Variants in CATSPER3 observed in about 807,000 individuals in gnomAD.
CATSPER3 encodes the protein cation channel sperm associated 3.
CATSPER3 carries 23 observed loss-of-function variants against 36.6 expected under a neutral mutation model. The observed-to-expected ratio is 0.63, with a 90% CI of 0.45 to 0.89. CATSPER3 has a LOEUF of 0.89. Among genes scored for constraint, CATSPER3 ranks in the 40% least tolerant of loss-of-function variants. CATSPER3 has a pLI of 0.00. For missense variants in CATSPER3, 474 were observed against 503.9 expected (o/e 0.94, Z 0.57); for synonymous variants, 172 against 184.1 (o/e 0.93, Z 0.53).
chr5:134,992,635 G>A (rs886909854), intron 2 of CATSPER3, among the ~76,000 whole-genome samples: 3 of 152,134 alleles, frequency 2.0e-5, no homozygotes, highest in Non-Finnish European at 4.4e-5. Context: ...TGAGGCAGGA[G>A]AATCACTTGA....
At chr5:135,009,193 G>A (rs1333512744) in intron 5 of CATSPER3, among the ~76,000 whole-genome samples, 178 bp from the exon 6 acceptor site, 1 of 152,236 alleles carries the variant, frequency 6.6e-6, no homozygotes, top group East Asian at 1.9e-4. Context: ...CAACAGGACG[G>A]TGGGGCTTAA....
intron 2 of CATSPER3, among the ~76,000 whole-genome samples, chr5:134,976,245 A>G (rs1030283552): frequency 6.6e-6 from 1 of 152,058 alleles, no homozygotes; most frequent in Non-Finnish European, 1.5e-5. Flanking sequence ...GCTTGGGAGG[A>G]TTGCTTGAGC....
chr5:134,982,708 G>C (rs1168194860), intron 2 of CATSPER3, among the ~76,000 whole-genome samples: 1 of 152,144 alleles, frequency 6.6e-6, no homozygotes, highest in African/African-American at 2.4e-5. Flanking sequence ...TTGTTTTGTA[G>C]GTGGAAATGA....
intron 2 of CATSPER3, among the ~76,000 whole-genome samples, chr5:134,982,677 C>T (rs559709350): frequency 6.6e-6 from 1 of 152,138 alleles, no homozygotes; most frequent in East Asian, 1.9e-4. Context: ...AGTAAACCTG[C>T]CCTCAAAAAA....
intron 2 of CATSPER3, among the ~76,000 whole-genome samples, chr5:134,978,087 C>T (rs755587334): frequency 2.0e-5 from 3 of 152,138 alleles, no homozygotes; most frequent in Admixed American, 6.5e-5. Context: ...CACATTTCAA[C>T]ATGAGATTGG....
intron 2 of CATSPER3, among the ~76,000 whole-genome samples, chr5:134,979,844 T>C (rs1309992934): frequency 6.6e-6 from 1 of 152,198 alleles, no homozygotes; most frequent in Non-Finnish European, 1.5e-5. Flanking sequence ...TGTAGAGTTG[T>C]AAATGGCTTT....
Position 134,968,162 on chromosome 5 carries a change from C to T in CATSPER3, c.98+73C>T, listed in dbSNP as rs946705620. 16 of 1,019,380 alleles carry T rather than the reference C, an allele frequency of 1.6e-5. No homozygotes were observed. The East Asian group carries it at 2.3e-4, about 14-fold the overall frequency. 63.1% of individuals were successfully genotyped at this position (1,019,380 alleles called of 1,614,324 possible). A position where few individuals can be genotyped will look rare whatever the true frequency, so the allele number is the denominator to read the frequency against. On this transcript the variant is annotated intron_variant, in intron 1 of 7. Coordinates refer to ENST00000282611, the MANE Select transcript of CATSPER3 (RefSeq NM_178019.3). The stretch of plus-strand genomic sequence containing the variant: ...AGTGTGAGGGCAGGGTGTCAGTGTT[C>T]TCTCAGCCTCTTCCCTCAGATACTC...
chr5:134,978,359 A>G (rs747012516), intron 2 of CATSPER3, among the ~76,000 whole-genome samples: 1 of 152,186 alleles, frequency 6.6e-6, no homozygotes, highest in Non-Finnish European at 1.5e-5. Flanking sequence ...TATGCTGATT[A>G]CCCTGATTTG....
intron 2 of CATSPER3, 50 bp downstream of exon 2, chr5:134,970,142 A>G (rs771865302): frequency 1.3e-6 from 2 of 1,544,338 alleles, no homozygotes; most frequent in Admixed American, 3.4e-5. Flanking sequence ...AACATGCTTT[A>G]TTTCTGGAAA....
chr5:135,010,284 T>C, intron 6 of CATSPER3, 89 bp from the exon 7 acceptor site: 1 of 1,184,398 alleles, frequency 8.4e-7, no homozygotes, highest in South Asian at 1.2e-5. Flanking sequence ...GGCCGCTGCC[T>C]GGGGCCCATC....
intron 2 of CATSPER3, among the ~76,000 whole-genome samples, chr5:134,994,684 A>G (rs1751921899): frequency 6.6e-6 from 1 of 152,158 alleles, no homozygotes; most frequent in Admixed American, 6.5e-5. Context: ...TTAAAATTCA[A>G]AGTCCTCACC....
At chr5:135,004,911 G>T (rs922753874) in intron 3 of CATSPER3, among the ~76,000 whole-genome samples, 3 of 152,268 alleles carry the variant, frequency 2.0e-5, no homozygotes, top group Admixed American at 1.3e-4. Context: ...GAGGGGAACT[G>T]GGTTGTGATG....
At chr5:135,010,266 C>G in intron 6 of CATSPER3, 107 bp from the exon 7 acceptor site, 1 of 972,108 alleles carries the variant, frequency 1.0e-6, no homozygotes, top group South Asian at 1.3e-5. Context: ...CTTCCAGGAC[C>G]AGGGTCAGGC....
intron 2 of CATSPER3, among the ~76,000 whole-genome samples, chr5:134,971,203 C>A (rs971241873): frequency 1.3e-5 from 2 of 152,120 alleles, no homozygotes; most frequent in African/African-American, 4.8e-5. Flanking sequence ...CCCTCCTCGG[C>A]CTCCCAGAGT....
Position 135,008,286 on chromosome 5 carries a change from C to T in CATSPER3, c.675+147C>T, listed in dbSNP as rs9327698. ...GGCCTAGGGAAGCTGGGGTCTGTTCCCCATCACAAGCCAGCACCCTGCACG... is the reference window on the plus strand; with the variant it reads ...GGCCTAGGGAAGCTGGGGTCTGTTCTCCATCACAAGCCAGCACCCTGCACG... On this transcript the variant is annotated intron_variant, in intron 4 of 7. Coordinates refer to ENST00000282611, the MANE Select transcript of CATSPER3 (RefSeq NM_178019.3). The T allele has an allele frequency of 0.019, 12,811 of 685,928 alleles. 1,008 individuals carry two copies. The African/African-American group carries it at 0.19, about 10-fold the overall frequency. 42.5% of individuals were successfully genotyped at this position (685,928 alleles called of 1,614,324 possible).
chr5:135,003,019 GA>G (rs1165471204), intron 3 of CATSPER3, among the ~76,000 whole-genome samples: 2 of 152,226 alleles, frequency 1.3e-5, no homozygotes, highest in Non-Finnish European at 2.9e-5. Context: ...TTTGGAGGGG[GA>G]CAGGTGCTCT....
chr5:134,971,811 G>C (rs1050026534), intron 2 of CATSPER3, among the ~76,000 whole-genome samples: 1 of 152,160 alleles, frequency 6.6e-6, no homozygotes, highest in Non-Finnish European at 1.5e-5. Context: ...GAGACATAGA[G>C]ATGAAGGAAG....
At chr5:134,975,716 A>G (rs1046557607) in intron 2 of CATSPER3, among the ~76,000 whole-genome samples, 1 of 152,268 alleles carries the variant, frequency 6.6e-6, no homozygotes, top group Non-Finnish European at 1.5e-5. Flanking sequence ...GGACAACATT[A>G]TGGAGGTTCC....
intron 2 of CATSPER3, among the ~76,000 whole-genome samples, chr5:134,975,581 C>T (rs1458590828): frequency 6.6e-6 from 1 of 152,150 alleles, no homozygotes; most frequent in African/African-American, 2.4e-5. Flanking sequence ...CCACTGCACT[C>T]CCAGCTGGAT....
Sources: allele counts gnomAD v4.1 joint callset (sites outside exome capture counted in the v4.1 genomes callset), GRCh38; gene constraint gnomAD v4.1.1; transcripts MANE v1.5; gene names NCBI Gene and HGNC (gene_info 2026-07-23, HGNC 2026-07-21).